SLC24A2: variants seen among roughly 807,000 people sequenced by gnomAD.
The protein encoded by SLC24A2 is solute carrier family 24 member 2.
Under a neutral mutation model 62.0 loss-of-function variants are expected in SLC24A2, and 36 were observed. That is an observed-to-expected ratio of 0.58 (90% CI 0.44 to 0.77). SLC24A2 has a LOEUF of 0.77. Ranked by LOEUF, SLC24A2 falls within the 30% of genes least tolerant of loss-of-function variation. The pLI is 0.00. For missense variants in SLC24A2, 846 were observed against 817.9 expected (o/e 1.03, Z -0.42); for synonymous variants, 358 against 294.0 (o/e 1.22, Z -2.23).
rs1239413820 is a variant in SLC24A2 at position 19,786,767 on chromosome 9, G to GT, written c.99dup (p.Leu34ThrfsTer17). On this transcript the variant is annotated frameshift_variant, in exon 2 of 11. Transcript: ENST00000341998. LOFTEE classifies it high-confidence loss of function. This position sits in a 1 kb window ranked among gnomAD's most constrained non-coding sequence, Gnocchi z 5.0. The stretch of plus-strand genomic sequence containing the variant: ...AGGCCTAAGACTCGAATTAACTTCA[G>GT]TTTTTTCTTGACACTATAATGTCTT... The GT allele has an allele frequency of 6.2e-7, 1 of 1,601,872 alleles. No homozygotes were observed. Among genetic ancestry groups the GT allele is most frequent in the Non-Finnish European group, 8.5e-7 (1 of 1,173,512 alleles).
At chr9:19,846,271 T>G in the SLC24A2 span, among the ~76,000 whole-genome samples, 5 of 152,230 alleles carry the variant, frequency 3.3e-5, no homozygotes, top group Non-Finnish European at 7.3e-5. Flanking sequence ...AACCCAAGTA[T>G]GCCAATGTTG....
chr9:20,127,425 T>C, the SLC24A2 span, among the ~76,000 whole-genome samples: 1 of 152,172 alleles, frequency 6.6e-6, no homozygotes, highest in African/African-American at 2.4e-5. Context: ...GAGAGAATTC[T>C]TTAACTTCAG....
the SLC24A2 span, among the ~76,000 whole-genome samples, chr9:19,823,274 C>T: frequency 1.7e-4 from 25 of 150,034 alleles, no homozygotes; most frequent in Non-Finnish European, 3.0e-4. Flanking sequence ...TGAATACCCT[C>T]ACCCAGGTTC....
chr9:19,690,918 TGA>T (rs3086331), intron 2 of SLC24A2, among the ~76,000 whole-genome samples: 10 of 150,944 alleles, frequency 6.6e-5, no homozygotes, highest in East Asian at 2.0e-4. Context: ...TGTGTGCGTG[TGA>T]GAGAGAGAGA....
rs1818324767 is a variant in SLC24A2, at chr9:19,636,311, TTTCTTTTCTTTC to T, written c.931-14024_931-14013del. On this transcript the variant is annotated intron_variant, in intron 2 of 10. Transcript: ENST00000341998. ...CTTCTTTTCTTTTCTTTTCTTTTCT[TTTCTTTTCTTTC>T]TTTCTTTCTTTCTTTCTTTCTTTCT... Among the ~76,000 whole-genome samples the T allele has an allele frequency of 9.9e-5, 2 of 20,110 alleles. 1 individual carries two copies. The highest frequency in any genetic ancestry group is 1.7e-4 in the Non-Finnish European group (2 of 11,868). 13.2% of individuals were successfully genotyped at this position (20,110 alleles called of 152,430 possible). A position where few individuals can be genotyped will look rare whatever the true frequency, so the allele number is the denominator to read the frequency against.
the SLC24A2 span, among the ~76,000 whole-genome samples, chr9:19,984,743 T>C: frequency 5.3e-5 from 8 of 152,080 alleles, no homozygotes; most frequent in Non-Finnish European, 8.8e-5. Context: ...TTATAGCCAA[T>C]TGATTTTTTG....
At chr9:20,285,083 G>T in the SLC24A2 span, among the ~76,000 whole-genome samples, 1 of 152,196 alleles carries the variant, frequency 6.6e-6, no homozygotes, top group African/African-American at 2.4e-5. Context: ...GCCAGAGCTA[G>T]CAGGGTGGGC....
At chr9:20,124,857 G>A in the SLC24A2 span, among the ~76,000 whole-genome samples, 1 of 152,110 alleles carries the variant, frequency 6.6e-6, no homozygotes, top group Non-Finnish European at 1.5e-5. Flanking sequence ...AAGAATATTG[G>A]GTAGCCCAAG....
the SLC24A2 span, among the ~76,000 whole-genome samples, chr9:19,915,054 A>G: frequency 7.9e-5 from 12 of 152,278 alleles, no homozygotes; most frequent in African/African-American, 2.9e-4. Context: ...AAGTAACTCC[A>G]GAATATTCCC....
the SLC24A2 span, among the ~76,000 whole-genome samples, chr9:19,996,322 G>A: frequency 1.3e-5 from 2 of 152,198 alleles, no homozygotes; most frequent in Non-Finnish European, 2.9e-5. Context: ...AGTGACTCCT[G>A]TGAAATTCCT....
At chr9:20,189,875 A>G in the SLC24A2 span, among the ~76,000 whole-genome samples, 1 of 152,178 alleles carries the variant, frequency 6.6e-6, no homozygotes, top group African/African-American at 2.4e-5. Flanking sequence ...CTGCCTCTGA[A>G]AGGGAATGCT....
the SLC24A2 span, among the ~76,000 whole-genome samples, chr9:20,044,414 T>A: frequency 6.6e-6 from 1 of 152,070 alleles, no homozygotes; most frequent in Non-Finnish European, 1.5e-5. Flanking sequence ...GAGCACAGGA[T>A]CCCCGAACCA....
the SLC24A2 span, among the ~76,000 whole-genome samples, chr9:20,141,958 G>A: frequency 3.9e-5 from 6 of 151,998 alleles, no homozygotes; most frequent in African/African-American, 9.7e-5. Flanking sequence ...TGGCAGGTGC[G>A]TATAATCCCA....
intron 2 of SLC24A2, among the ~76,000 whole-genome samples, chr9:19,698,069 T>C (rs1820244328): frequency 6.6e-6 from 1 of 152,208 alleles, no homozygotes; most frequent in Non-Finnish European, 1.5e-5. Flanking sequence ...CTTATTTAAA[T>C]GATTTAAGTT....
At chr9:20,096,667 A>G in the SLC24A2 span, among the ~76,000 whole-genome samples, 52 of 152,312 alleles carry the variant, frequency 3.4e-4, no homozygotes, top group African/African-American at 1.2e-3. Context: ...TTTTACAAGA[A>G]AACATTATTT....
chr9:20,260,616 A>T, the SLC24A2 span, among the ~76,000 whole-genome samples: 1 of 152,072 alleles, frequency 6.6e-6, no homozygotes, highest in African/African-American at 2.4e-5. Context: ...CAGACTTCGT[A>T]ATTTCCTTTT....
chr9:19,824,080 C>A, the SLC24A2 span, among the ~76,000 whole-genome samples: 24 of 152,240 alleles, frequency 1.6e-4, no homozygotes, highest in Non-Finnish European at 2.8e-4. Context: ...TAGAAGAAAA[C>A]CTAGACAGTA....
the SLC24A2 span, among the ~76,000 whole-genome samples, chr9:19,891,685 G>T: frequency 6.6e-6 from 1 of 152,188 alleles, no homozygotes; most frequent in African/African-American, 2.4e-5. Context: ...GTCCAAGGCT[G>T]CAGTGAGCTA....
At chr9:20,010,845 T>A in the SLC24A2 span, among the ~76,000 whole-genome samples, 3 of 147,476 alleles carry the variant, frequency 2.0e-5, no homozygotes, top group Non-Finnish European at 4.5e-5. Context: ...CACCTATGAG[T>A]GAGAACATGT....
Sources: gnomAD v4.1 joint callset for allele counts (sites outside exome capture counted in the v4.1 genomes callset) on GRCh38, gnomAD v4.1.1 for gene constraint, Gnocchi (gnomAD v3.1) non-coding constraint, MANE v1.5 for transcripts, NCBI Gene and HGNC (gene_info 2026-07-23, HGNC 2026-07-21) for gene names.